The following MAGI2 variants were observed in gnomAD, a reference collection of about 807,000 sequenced individuals.
MAGI2 encodes the protein membrane associated guanylate kinase, WW and PDZ domain containing 2.
In MAGI2, 35 loss-of-function variants were observed where a neutral mutation model predicts 133.3. The ratio of observed to expected loss-of-function variants is 0.26; its 90% CI spans 0.20 to 0.35. The LOEUF (loss-of-function observed/expected upper bound fraction) is 0.35, where lower values mean the gene tolerates loss of function less well. Ranked by LOEUF, MAGI2 falls within the 10% of genes least tolerant of loss-of-function variation. The pLI, the probability that MAGI2 is intolerant of heterozygous loss-of-function variation, is 1.00. For synonymous variants in MAGI2, 729 were observed against 710.6 expected (o/e 1.03, Z -0.41); for missense variants, 1,636 against 1,863.4 (o/e 0.88, Z 2.25).
At position 78,344,039 on chromosome 7, in the gene MAGI2, A is replaced by G. The variant is rs561398906; in HGVS notation, c.1226-79T>C. 3 of 1,321,510 alleles carry G rather than the reference A, an allele frequency of 2.3e-6. No homozygotes were observed. In the Admixed American group the frequency reaches 6.9e-5, roughly 30 times the overall value. The allele number at this position is 1,321,510 out of a possible 1,614,324, so 81.9% of individuals were successfully genotyped here. ...TCAGACAAGAGAAAGCCAGCCCCTG[A>G]GCAGCGACAATCCCAGGGGTAAATG... On this transcript the variant is annotated intron_variant, in intron 8 of 21. Transcript: ENST00000354212.
chr7:78,718,877 G>A (rs755692081), intron 2 of MAGI2, among the ~76,000 whole-genome samples: 5 of 152,090 alleles, frequency 3.3e-5, no homozygotes, highest in Admixed American at 1.3e-4. Context: ...GGGGACATAC[G>A]GTTGCCAGTG....
intron 3 of MAGI2, among the ~76,000 whole-genome samples, chr7:78,578,033 CAAAA>C (rs557622518): frequency 8.2e-6 from 1 of 121,880 alleles, no homozygotes; most frequent in Admixed American, 8.3e-5. Context: ...TGAAAAAGAC[CAAAA>C]AAAAAAAAAA....
chr7:79,066,134 A>G (rs931551598), intron 1 of MAGI2, among the ~76,000 whole-genome samples: 2 of 150,982 alleles, frequency 1.3e-5, no homozygotes, highest in Non-Finnish European at 3.0e-5. Context: ...AGGAATCGCC[A>G]TAGTGTCTGC....
chr7:78,746,407 C>G (rs1822931294), intron 2 of MAGI2, among the ~76,000 whole-genome samples: 1 of 152,162 alleles, frequency 6.6e-6, no homozygotes, highest in South Asian at 2.1e-4. Flanking sequence ...GAATCTTATT[C>G]CGGGACAGAA....
intron 14 of MAGI2, among the ~76,000 whole-genome samples, chr7:78,173,399 TC>T (rs991002146): frequency 1.3e-5 from 2 of 152,182 alleles, no homozygotes; most frequent in African/African-American, 4.8e-5. Context: ...AGTCATGCAA[TC>T]CCTTCTGCTT....
intron 1 of MAGI2, among the ~76,000 whole-genome samples, chr7:79,141,853 C>T (rs576565099): frequency 6.6e-6 from 1 of 152,056 alleles, no homozygotes; most frequent in African/African-American, 2.4e-5. Flanking sequence ...CTAACTAGTT[C>T]CAGCTTCATA....
chr7:78,364,554 C>T (rs1793177603), intron 7 of MAGI2, among the ~76,000 whole-genome samples: 1 of 152,116 alleles, frequency 6.6e-6, no homozygotes, highest in South Asian at 2.1e-4. Context: ...CTTGTAAAAC[C>T]TTTACATGAA....
Position 79,345,542 on chromosome 7 carries a change from C to G in MAGI2, c.301+107478G>C, listed in dbSNP as rs567621807. Among the ~76,000 whole-genome samples, 22 of 152,042 alleles carry G rather than the reference C, an allele frequency of 1.4e-4. No individual in the cohort carries two copies. The East Asian group carries it at 3.7e-3, about 25-fold the overall frequency. On this transcript the variant is annotated intron_variant, in intron 1 of 21. Coordinates refer to ENST00000354212, the MANE Select transcript of MAGI2 (RefSeq NM_012301.4). ...AGAATCTAAGAATCCAGGAAGACAC[C>G]AAGTCTTAAGGTTAGATTTTGATGT...
At chr7:79,146,969 T>C (rs930388910) in intron 1 of MAGI2, among the ~76,000 whole-genome samples, 6 of 152,216 alleles carry the variant, frequency 3.9e-5, no homozygotes, top group African/African-American at 1.4e-4. Flanking sequence ...AGCAAGAGTC[T>C]CTTCTAGATT....
chr7:78,979,121 T>C (rs886679290), intron 2 of MAGI2, among the ~76,000 whole-genome samples: 9 of 151,896 alleles, frequency 5.9e-5, no homozygotes, highest in Non-Finnish European at 1.3e-4. Context: ...TGTGTATGCA[T>C]GTGGATTAGA....
intron 1 of MAGI2, among the ~76,000 whole-genome samples, chr7:79,222,916 A>G (rs576940126): frequency 4.0e-5 from 6 of 151,762 alleles, no homozygotes; most frequent in East Asian, 1.9e-4. Flanking sequence ...ACGGAGTCTC[A>G]CTCTGTCGCC....
intron 6 of MAGI2, among the ~76,000 whole-genome samples, chr7:78,448,772 A>G (rs1050606832): frequency 6.6e-6 from 1 of 152,042 alleles, no homozygotes; most frequent in Non-Finnish European, 1.5e-5. Flanking sequence ...GCGCACACTG[A>G]AACATACACA....
chr7:78,774,970 T>C (rs1454325762), intron 2 of MAGI2, among the ~76,000 whole-genome samples: 1 of 151,936 alleles, frequency 6.6e-6, no homozygotes, highest in Non-Finnish European at 1.5e-5. Flanking sequence ...TACTAGTCAG[T>C]AGAGGATATA....
At chr7:78,663,835 T>A (rs781489227) in intron 2 of MAGI2, among the ~76,000 whole-genome samples, 14 of 152,228 alleles carry the variant, frequency 9.2e-5, no homozygotes, top group Non-Finnish European at 1.8e-4. Flanking sequence ...TAAATCTTCC[T>A]AGGTGTCATG....
chr7:79,089,841 CAGA>C (rs1258414416), intron 1 of MAGI2, among the ~76,000 whole-genome samples: 1 of 151,900 alleles, frequency 6.6e-6, no homozygotes, highest in Admixed American at 6.6e-5. Flanking sequence ...TGGGGCCTGT[CAGA>C]AGGTGAGGGG....
chr7:78,583,610 C>T (rs1437399133), intron 3 of MAGI2: 2 of 152,088 alleles, frequency 1.3e-5, no homozygotes, highest in Non-Finnish European at 2.9e-5. Context: ...GTAAACACAT[C>T]TCTGTAGAAA....
intron 1 of MAGI2, among the ~76,000 whole-genome samples, chr7:79,117,100 T>C (rs1375125582): frequency 6.6e-6 from 1 of 152,268 alleles, no homozygotes; most frequent in Non-Finnish European, 1.5e-5. Flanking sequence ...ACTTGAAGAA[T>C]AACAAAGGTG....
chr7:79,241,964 T>C (rs2129555060), intron 1 of MAGI2, among the ~76,000 whole-genome samples: 1 of 152,282 alleles, frequency 6.6e-6, no homozygotes, highest in South Asian at 2.1e-4. Context: ...ACACATTCCC[T>C]AGCCCCACTG....
At chr7:79,015,999 G>GGT (rs1491397976) in intron 1 of MAGI2, among the ~76,000 whole-genome samples, 1 of 39,076 alleles carries the variant, frequency 2.6e-5, no homozygotes, top group Non-Finnish European at 5.4e-5. Flanking sequence ...CTGGAGAAGC[G>GGT]GGGGGGGGGG....
Sources: allele counts gnomAD v4.1 joint callset (sites outside exome capture counted in the v4.1 genomes callset), GRCh38; gene constraint gnomAD v4.1.1; transcripts MANE v1.5; gene names NCBI Gene and HGNC (gene_info 2026-07-23, HGNC 2026-07-21).